The following ADGRL2 variants were observed in gnomAD, a reference collection of about 807,000 sequenced individuals.
ADGRL2 encodes the protein adhesion G protein-coupled receptor L2.
ADGRL2 carries 44 observed loss-of-function variants against 157.4 expected under a neutral mutation model. That is an observed-to-expected ratio of 0.28 (90% confidence interval 0.22 to 0.36). The LOEUF (loss-of-function observed/expected upper bound fraction) is 0.36. ADGRL2 is among the 10% of genes least tolerant of loss of function. The pLI is 1.00. For synonymous variants in ADGRL2, 585 were observed against 624.7 expected, an observed-to-expected ratio of 0.94 and a Z score of 0.95; for missense variants, 1,510 against 1,768.9, an observed-to-expected ratio of 0.85 and a Z score of 2.63.
chr1:81,788,903 A>G (rs1287513617), intron 2 of ADGRL2, among the ~76,000 whole-genome samples: 1 of 152,070 alleles, frequency 6.6e-6, no homozygotes, highest in Non-Finnish European at 1.5e-5. Context: ...TTTTTAGTAG[A>G]GACGAGGTTT....
At chr1:81,541,960 A>C (rs1053225909) in intron 2 of ADGRL2, among the ~76,000 whole-genome samples, 1 of 152,224 alleles carries the variant, frequency 6.6e-6, no homozygotes, top group Non-Finnish European at 1.5e-5. Flanking sequence ...CTCCATCTCG[A>C]AAAAGTAAAG....
At chr1:81,836,704 G>A (rs900745687) in intron 1 of ADGRL2, among the ~76,000 whole-genome samples, 181 bp from the exon 2 acceptor site, 11 of 151,954 alleles carry the variant, frequency 7.2e-5, no homozygotes, top group Non-Finnish European at 1.6e-4. Flanking sequence ...AACCTTTTTG[G>A]GCTTTTGACT....
intron 2 of ADGRL2, among the ~76,000 whole-genome samples, chr1:81,467,423 T>G (rs2078080288): frequency 6.6e-6 from 1 of 152,166 alleles, no homozygotes; most frequent in East Asian, 1.9e-4. Flanking sequence ...TAAAAATAAA[T>G]GCTACTGCTA....
At chr1:81,939,567 C>T (rs941951513) in intron 4 of ADGRL2, among the ~76,000 whole-genome samples, 6 of 151,422 alleles carry the variant, frequency 4.0e-5, no homozygotes, top group Non-Finnish European at 8.9e-5. Context: ...ACTTCACATA[C>T]AGAGTATGTA....
intron 2 of ADGRL2, among the ~76,000 whole-genome samples, chr1:81,901,580 A>ATT: frequency 6.6e-6 from 1 of 150,602 alleles, no homozygotes; most frequent in South Asian, 2.1e-4. Context: ...ATATATATAT[A>ATT]TATTTTTTTT....
intron 11 of ADGRL2, among the ~76,000 whole-genome samples, chr1:81,959,642 T>G (rs1654680781): frequency 6.6e-6 from 1 of 152,184 alleles, no homozygotes; most frequent in African/African-American, 2.4e-5. Context: ...ATATATCCCA[T>G]ACTCTTTAAA....
chr1:81,965,331 T>A (rs546174905), intron 11 of ADGRL2, among the ~76,000 whole-genome samples: 1 of 152,200 alleles, frequency 6.6e-6, no homozygotes, highest in Non-Finnish European at 1.5e-5. Context: ...ATGATTGTGT[T>A]CCAATAAAAC....
At chr1:81,311,577 A>T (rs1659758916) in intron 1 of ADGRL2, among the ~76,000 whole-genome samples, 1 of 152,166 alleles carries the variant, frequency 6.6e-6, no homozygotes, top group Non-Finnish European at 1.5e-5. Context: ...TTTTGTAAAA[A>T]TCGAGTTAGC....
intron 2 of ADGRL2, among the ~76,000 whole-genome samples, chr1:81,791,508 A>G (rs1359595361): frequency 1.3e-5 from 2 of 152,186 alleles, no homozygotes; most frequent in Non-Finnish European, 2.9e-5. Flanking sequence ...GCCAAAGGAA[A>G]TCTGTTGATA....
At chr1:81,322,254 G>A (rs1056559256) in intron 1 of ADGRL2, among the ~76,000 whole-genome samples, 4 of 151,184 alleles carry the variant, frequency 2.6e-5, no homozygotes, top group Admixed American at 2.6e-4. Flanking sequence ...CCTACCTGGG[G>A]GGTGAAATAC....
chr1:81,380,213 ATGTT>A (rs2076320350), intron 1 of ADGRL2, among the ~76,000 whole-genome samples: 1 of 152,050 alleles, frequency 6.6e-6, no homozygotes, highest in African/African-American at 2.4e-5. Flanking sequence ...GTTTTCCCAT[ATGTT>A]TGTTTACTAG....
chr1:81,958,761 T>C (rs1162986512), intron 11 of ADGRL2, among the ~76,000 whole-genome samples: 1 of 152,154 alleles, frequency 6.6e-6, no homozygotes, highest in African/African-American at 2.4e-5. Context: ...GATGGGCCCT[T>C]CATGCTCCTT....
At position 81,968,564 on chromosome 1, in the gene ADGRL2, C is replaced by G. The variant is rs77987937; in HGVS notation, c.2523+365C>G. On this transcript the variant is annotated intron_variant, in intron 14 of 23. Transcript: ENST00000686636. ...GTTCGAATCTAATTTTACAACTTTC[C>G]CTTTAAGTTTCCTAACCACTTTGCA... Among the ~76,000 whole-genome samples, 524 of 152,264 alleles carry G rather than the reference C, an allele frequency of 3.4e-3. 3 individuals are homozygous for G. Among genetic ancestry groups the G allele is most frequent in the South Asian group, 0.01 (50 of 4,828 alleles).
chr1:81,862,943 G>T (rs1244570168), intron 2 of ADGRL2, among the ~76,000 whole-genome samples: 1 of 152,068 alleles, frequency 6.6e-6, no homozygotes, highest in Non-Finnish European at 1.5e-5. Flanking sequence ...GCATAATACT[G>T]GTTTCTAAGT....
chr1:81,796,354 A>G (rs1014554140), upstream of ADGRL2, among the ~76,000 whole-genome samples: 5 of 152,196 alleles, frequency 3.3e-5, no homozygotes, highest in African/African-American at 1.2e-4. Flanking sequence ...TATGATGGAC[A>G]AAATTACTAG....
At chr1:81,398,879 A>G (rs1384281520) in intron 1 of ADGRL2, among the ~76,000 whole-genome samples, 1 of 152,184 alleles carries the variant, frequency 6.6e-6, no homozygotes, top group East Asian at 1.9e-4. Flanking sequence ...TATGCCTTAT[A>G]GAGAATCTTT....
chr1:81,878,274 A>T (rs1018545101), intron 2 of ADGRL2, among the ~76,000 whole-genome samples: 1 of 152,138 alleles, frequency 6.6e-6, no homozygotes, highest in Non-Finnish European at 1.5e-5. Flanking sequence ...GGGACAGCCT[A>T]TCTATGTTTG....
intron 1 of ADGRL2, among the ~76,000 whole-genome samples, chr1:81,701,338 A>G (rs192684109): frequency 6.6e-6 from 1 of 152,306 alleles, no homozygotes; most frequent in African/African-American, 2.4e-5. Context: ...ATCATATTTC[A>G]TAATTAGTGA....
intron 2 of ADGRL2, among the ~76,000 whole-genome samples, chr1:81,875,083 T>G (rs2093802642): frequency 6.6e-6 from 1 of 151,288 alleles, no homozygotes; most frequent in African/African-American, 2.4e-5. Flanking sequence ...ACTCTTAACT[T>G]CTATAGGCTG....
Sources: gnomAD v4.1 joint callset for allele counts (sites outside exome capture counted in the v4.1 genomes callset) on GRCh38, gnomAD v4.1.1 for gene constraint, MANE v1.5 for transcripts, NCBI Gene and HGNC (gene_info 2026-07-23, HGNC 2026-07-21) for gene names.